The following VWDE variants were observed in gnomAD, a reference collection of about 807,000 sequenced individuals.
VWDE encodes von Willebrand factor D and EGF domain-containing protein.
A neutral mutation model predicts 178.4 loss-of-function variants in VWDE; 207 were observed. That is an observed-to-expected ratio of 1.16 (90% CI 1.04 to 1.30). The LOEUF (loss-of-function observed/expected upper bound fraction) is 1.30. VWDE is among the 50% of genes most tolerant of loss of function. The probability of loss-of-function intolerance (pLI) is 0.00; values close to 1 mark genes in which losing one functional copy is unlikely to be tolerated. For missense variants in VWDE, 2,287 were observed against 1,901.3 expected, an observed-to-expected ratio of 1.20 and a Z score of -3.77; for synonymous variants, 738 against 651.4, an observed-to-expected ratio of 1.13 and a Z score of -2.02.
chr7:12,376,867 G>A (rs1291633425), intron 7 of VWDE, among the ~76,000 whole-genome samples: 1 of 151,910 alleles, frequency 6.6e-6, no homozygotes, highest in Non-Finnish European at 1.5e-5. Flanking sequence ...CTTTTCTTGA[G>A]TGCATCATTC....
At chr7:12,396,158 T>C (rs987610120) in intron 1 of VWDE, among the ~76,000 whole-genome samples, 1 of 152,146 alleles carries the variant, frequency 6.6e-6, no homozygotes. Context: ...CATATGCAAA[T>C]AATTTCCTTT....
In VWDE at chr7:12,375,019, G is replaced by A. The variant is rs1038744775; in HGVS notation, c.1233C>T (p.Asp411=). Residue 411 remains aspartate (D), a synonymous_variant, in exon 8 of 29, where the codon GAC becomes GAT. Transcript: ENST00000275358. The part of the protein sequence containing the change: ...EDFLWNNYIP[D]SIQIKVKDVP... ...GTTGTAATTTGTCAACCTGGATGCT[G>A]TCTGGAATGTAGTTGTTCCACAGGA... The A allele has an allele frequency of 3.9e-6, 6 of 1,550,896 alleles. No homozygotes were observed. The African/African-American group carries it at 8.2e-5, about 21-fold the overall frequency.
At chr7:12,392,961 GAGAGAGATTC>G (rs1387029818) in intron 2 of VWDE, among the ~76,000 whole-genome samples, 2 of 152,156 alleles carry the variant, frequency 1.3e-5, no homozygotes, top group Non-Finnish European at 2.9e-5. Context: ...GGGGATTGAG[GAGAGAGATTC>G]AGTGAGATAA....
chr7:12,375,479 G>A (rs971256098), intron 7 of VWDE, among the ~76,000 whole-genome samples: 2 of 151,604 alleles, frequency 1.3e-5, no homozygotes, highest in South Asian at 2.1e-4. Context: ...TTTCAATTAG[G>A]TTATAAACCT....
At chr7:12,333,966 G>T (rs572033854) in intron 27 of VWDE, among the ~76,000 whole-genome samples, 34 of 152,146 alleles carry the variant, frequency 2.2e-4, no homozygotes, top group African/African-American at 7.9e-4. Context: ...GTACTGGCTA[G>T]TGTATGGAAA....
intron 13 of VWDE, among the ~76,000 whole-genome samples, chr7:12,365,619 C>T (rs1029607582): frequency 2.0e-5 from 3 of 152,006 alleles, no homozygotes; most frequent in Admixed American, 6.6e-5. Flanking sequence ...AGTGGCAGGG[C>T]GAGCACATTC....
intron 2 of VWDE, among the ~76,000 whole-genome samples, chr7:12,392,639 TTA>T (rs1375650780): frequency 6.6e-6 from 1 of 152,138 alleles, no homozygotes; most frequent in African/African-American, 2.4e-5. Context: ...AAATCACACT[TTA>T]TGTTTTTTCT....
rs1303466687 is a variant in VWDE at position 12,403,577 on chromosome 7, C to T, written c.58+82G>A. 1.6e-5 allele frequency: 22 copies of T among 1,352,754 alleles called. No individual in the cohort carries two copies. In the East Asian group the frequency reaches 5.0e-4, roughly 31 times the overall value. 83.8% of individuals were successfully genotyped at this position (1,352,754 alleles called of 1,614,324 possible). ...AAACGCACAGGGACGCTCCCCAAGT[C>T]GTCCAAAAAGTCTAGCCTAGTCCCT... On this transcript the variant is annotated intron_variant, in intron 1 of 28. Coordinates refer to ENST00000275358, the MANE Select transcript of VWDE (RefSeq NM_001135924.3).
intron 22 of VWDE, among the ~76,000 whole-genome samples, chr7:12,342,398 G>C (rs1163280685): frequency 6.6e-6 from 1 of 152,058 alleles, no homozygotes; most frequent in African/African-American, 2.4e-5. Context: ...TGATAAACAA[G>C]ACTTGGCTAT....
rs962530706 is a variant in VWDE, at chr7:12,342,162, C to G, written c.4175-8G>C. On this transcript the variant is annotated splice_region_variant and splice_polypyrimidine_tract_variant and intron_variant, in intron 22 of 28. Coordinates refer to ENST00000275358, the MANE Select transcript of VWDE (RefSeq NM_001135924.3). ...AGTGCCTGTTACAAACCACTGAGAT[C>G]ATAGAATAAAGAGAAAAGAAAGATT... 6.5e-7 allele frequency: 1 copy of G among 1,549,304 alleles called. No homozygotes were observed. Among genetic ancestry groups the G allele is most frequent in the African/African-American group, 1.4e-5 (1 of 72,974 alleles).
At chr7:12,339,520 G>A (rs369288038) in intron 24 of VWDE, among the ~76,000 whole-genome samples, 32 of 152,172 alleles carry the variant, frequency 2.1e-4, no homozygotes, top group Admixed American at 1.4e-3. Flanking sequence ...TCCTGTGTTA[G>A]CGGGATGACT....
At position 12,380,669 on chromosome 7, in the gene VWDE, A is replaced by C. The variant is rs1362147602; in HGVS notation, c.606T>G (p.Ile202Met). Residue 202 changes from isoleucine (I) to methionine (M), a missense_variant, in exon 5 of 29, where the codon ATT becomes ATG. By Grantham distance (10) the Ile-to-Met change is conservative. Transcript: ENST00000275358. ...AGRPEVLVELIESRLFCRCSF... is the reference protein window; with the variant it reads ...AGRPEVLVELMESRLFCRCSF... The stretch of plus-strand genomic sequence containing the variant: ...AACACCTACAGAAAAGCCTGGACTC[A>C]ATCAACTCCACCAGAACCTCTGGCC... The C allele has an allele frequency of 1.9e-6, 3 of 1,552,084 alleles. No individual in the cohort carries two copies. Among genetic ancestry groups the C allele is most frequent in the Non-Finnish European group, 2.6e-6 (3 of 1,147,082 alleles).
At chr7:12,375,896 T>C (rs2128557120) in intron 7 of VWDE, among the ~76,000 whole-genome samples, 1 of 152,146 alleles carries the variant, frequency 6.6e-6, no homozygotes, top group East Asian at 1.9e-4. Context: ...ACTCCAGGAA[T>C]TTGTATAACT....
chr7:12,352,103 A>C (rs1209606887), intron 18 of VWDE, among the ~76,000 whole-genome samples: 1 of 152,172 alleles, frequency 6.6e-6, no homozygotes, highest in Non-Finnish European at 1.5e-5. Context: ...ATCTCACCAC[A>C]AACCAACCCT....
intron 1 of VWDE, among the ~76,000 whole-genome samples, chr7:12,401,013 T>C (rs1784869512): frequency 6.6e-6 from 1 of 152,116 alleles, no homozygotes; most frequent in Admixed American, 6.6e-5. Flanking sequence ...TCCAACACCT[T>C]TTCATGATAA....
rs1299117579 is a variant in VWDE at position 12,370,079 on chromosome 7, T to G, written c.2227A>C (p.Arg743=). The G allele has an allele frequency of 9.7e-6, 15 of 1,551,466 alleles. No homozygotes were observed. The highest frequency in any genetic ancestry group is 1.4e-5 in the African/African-American group (1 of 73,036). Residue 743 remains arginine, a synonymous_variant, in exon 12 of 29, where the codon AGG becomes CGG. Transcript: ENST00000275358. ...QGRGSHSQEM[R]YNRQNRWKRQ... is the part of the protein sequence containing the mutation. ...TTCCATCTGTTTTGTCGATTGTACC[T>G]CATTTCTTGGCTGTGGCTTCCCCGG...
intron 13 of VWDE, among the ~76,000 whole-genome samples, chr7:12,365,528 A>C (rs1033802183): frequency 3.9e-5 from 6 of 152,064 alleles, no homozygotes; most frequent in Non-Finnish European, 7.4e-5. Flanking sequence ...AGGGAACTGA[A>C]ATTTGAACTA....
chr7:12,394,982 C>G (rs1339191219), intron 1 of VWDE, among the ~76,000 whole-genome samples: 5 of 152,038 alleles, frequency 3.3e-5, no homozygotes, highest in African/African-American at 1.2e-4. Context: ...AAAAATAAGT[C>G]ATTATAATTA....
At chr7:12,387,666 C>G (rs796841358) in intron 3 of VWDE, among the ~76,000 whole-genome samples, 2 of 152,072 alleles carry the variant, frequency 1.3e-5, no homozygotes, top group African/African-American at 4.8e-5. Context: ...AGTGATTTTA[C>G]TTGTTTGCTA....
Sources: gnomAD v4.1 joint callset for allele counts (sites outside exome capture counted in the v4.1 genomes callset) on GRCh38, gnomAD v4.1.1 for gene constraint, MANE v1.5 for transcripts, NCBI Gene and HGNC (gene_info 2026-07-23, HGNC 2026-07-21) for gene names.